Variants in CSTF2 observed in about 807,000 individuals in gnomAD.
The protein encoded by CSTF2 is cleavage stimulation factor subunit 2, also known as CF-1 64 kDa subunit.
In CSTF2, 8 loss-of-function variants were observed where a neutral mutation model predicts 45.4. The ratio of observed to expected loss-of-function variants is 0.18; its 90% CI spans 0.10 to 0.32. CSTF2 has a LOEUF of 0.32. CSTF2 is among the 10% of genes least tolerant of loss of function. The probability of loss-of-function intolerance (pLI) is 1.00; values close to 1 mark genes in which losing one functional copy is unlikely to be tolerated. For missense variants in CSTF2, 253 were observed against 477.1 expected, an observed-to-expected ratio of 0.53 and a Z score of 4.38; for synonymous variants, 155 against 158.9, an observed-to-expected ratio of 0.98 and a Z score of 0.18.
rs1244398815 is a variant in CSTF2, at chrX:100,833,469, A to G, written c.1497A>G (p.Arg499=). The change falls in exon 11 of 14, where the codon AGA becomes AGG. Residue 499 remains arginine (R), a synonymous_variant. Coordinates refer to ENST00000372972, the MANE Select transcript of CSTF2 (RefSeq NM_001325.3). ...GGGCGGTTGTCCCCCAGGGATCCAGACAGGTATGTGTAACACTGACTTCTG... is the reference window on the plus strand; with the variant it reads ...GGGCGGTTGTCCCCCAGGGATCCAGGCAGGTATGTGTAACACTGACTTCTG... The part of the protein sequence containing the change: ...NMGAVVPQGS[R]QVPVMQGTGM... 8.3e-7 allele frequency: 1 copy of G among 1,203,746 alleles called. No individual in the cohort carries two copies. Among genetic ancestry groups the G allele is most frequent in the Non-Finnish European group, 1.1e-6 (1 of 890,628 alleles).
At chrX:100,820,796 T>C in intron 1 of CSTF2, 1 of 395,290 alleles carries the variant, frequency 2.5e-6, no homozygotes, top group Non-Finnish European at 4.8e-6. Context: ...TCTCATCCTC[T>C]GCCCCAGAAT....
At chrX:100,833,776 C>A (rs890701191) in intron 11 of CSTF2, among the ~76,000 whole-genome samples, 2 of 111,734 alleles carry the variant, frequency 1.8e-5, no homozygotes, top group Admixed American at 1.9e-4. Flanking sequence ...ATCATGTACA[C>A]GGTTTTTTCC....
intron 11 of CSTF2, among the ~76,000 whole-genome samples, chrX:100,835,971 T>G (rs1206079396): frequency 9.0e-6 from 1 of 111,652 alleles, no homozygotes; most frequent in Non-Finnish European, 1.9e-5. Flanking sequence ...ATAAAAAATT[T>G]TAAAAAAAAA....
chrX:100,820,542 C>T, intron 1 of CSTF2, 68 bp downstream of exon 1: 8 of 1,095,661 alleles, frequency 7.3e-6, no homozygotes, highest in Non-Finnish European at 1.0e-5. Context: ...TCTCATGAAT[C>T]GCTACCGGAG....
chrX:100,832,388 G>T (rs957853123), intron 9 of CSTF2, among the ~76,000 whole-genome samples: 16 of 111,862 alleles, frequency 1.4e-4, no homozygotes, highest in Non-Finnish European at 2.8e-4. Flanking sequence ...CTGATGTGTG[G>T]AAAAGTTAAA....
At chrX:100,828,291 G>A (rs2084955323) in intron 8 of CSTF2, among the ~76,000 whole-genome samples, 189 bp downstream of exon 8, 1 of 111,885 alleles carries the variant, frequency 8.9e-6, no homozygotes, top group Non-Finnish European at 1.9e-5. Flanking sequence ...GGCCACAGGT[G>A]ACTAGTGGAT....
intron 3 of CSTF2, 89 bp downstream of exon 3, chrX:100,822,509 T>C (rs1216296126): frequency 3.1e-6 from 3 of 966,831 alleles, no homozygotes; most frequent in Non-Finnish European, 4.3e-6. Context: ...TAGAATATGC[T>C]GAAATGGTTA....
intron 11 of CSTF2, among the ~76,000 whole-genome samples, chrX:100,834,845 G>A (rs2084998340): frequency 1.8e-5 from 2 of 111,605 alleles, no homozygotes; most frequent in African/African-American, 6.5e-5. Context: ...TAATTTTACT[G>A]GTAGTTCTAT....
At chrX:100,830,155 T>C (rs1389780480) in intron 8 of CSTF2, among the ~76,000 whole-genome samples, 1 of 112,303 alleles carries the variant, frequency 8.9e-6, no homozygotes, top group African/African-American at 3.2e-5. Context: ...TCGGTTCCCA[T>C]GTCATCTCAT....
chrX:100,832,465 C>T lies in CSTF2; in HGVS notation c.1032-269C>T, dbSNP rs773757973. On this transcript the variant is annotated intron_variant, in intron 9 of 13. Coordinates refer to ENST00000372972, the MANE Select transcript of CSTF2 (RefSeq NM_001325.3). The stretch of plus-strand genomic sequence containing the variant: ...AGATTTGAACCCATACAGTCTGAAT[C>T]CAGAGCTCATGTTCTTATGCATTGT... Among the ~76,000 whole-genome samples, 37 of 112,001 alleles carry T rather than the reference C, an allele frequency of 3.3e-4. No homozygotes were observed. The South Asian group carries it at 0.014, about 41-fold the overall frequency.
chrX:100,829,096 T>C (rs1413336307), intron 8 of CSTF2, among the ~76,000 whole-genome samples: 2 of 112,051 alleles, frequency 1.8e-5, no homozygotes, highest in Non-Finnish European at 3.8e-5. Flanking sequence ...CTCTTATTCC[T>C]TGGGAATAAA....
chrX:100,826,039 T>A (rs2084942050), intron 6 of CSTF2, among the ~76,000 whole-genome samples: 1 of 111,433 alleles, frequency 9.0e-6, no homozygotes. Flanking sequence ...CTGTTTCTAA[T>A]TCAAGGGACT....
chrX:100,827,693 T>C (rs1037030451), intron 7 of CSTF2, among the ~76,000 whole-genome samples: 5 of 112,269 alleles, frequency 4.5e-5, no homozygotes, highest in African/African-American at 1.6e-4. Flanking sequence ...ATCTACTTTA[T>C]CCTAATAGAG....
At chrX:100,823,198 C>T in intron 3 of CSTF2, 94 bp from the exon 4 acceptor site, 1 of 979,284 alleles carries the variant, frequency 1.0e-6, no homozygotes, top group South Asian at 2.6e-5. Flanking sequence ...AAATTATCAG[C>T]TGGTTCTTAC....
chrX:100,831,564 G>A lies in CSTF2; in HGVS notation c.939G>A (p.Ala313=), dbSNP rs148091932. 1.1e-3 allele frequency: 1,282 copies of A among 1,209,717 alleles called. 1 individual carries two copies. Among genetic ancestry groups the A allele is most frequent in the Non-Finnish European group, 1.4e-3 (1,232 of 894,901 alleles). ...CTATGCAGCGGGGATCCTTGCCTGCGAATGTCCCAACCCCTCGAGGCTTGT... is the reference window on the plus strand; with the variant it reads ...CTATGCAGCGGGGATCCTTGCCTGCAAATGTCCCAACCCCTCGAGGCTTGT... ...RAAMQRGSLP[A]NVPTPRGLLG... Residue 313 remains alanine, a synonymous_variant, in exon 9 of 14, where the codon GCG becomes GCA. Transcript: ENST00000372972.
chrX:100,831,381 C>A, intron 8 of CSTF2, 134 bp from the exon 9 acceptor site: 2 of 708,651 alleles, frequency 2.8e-6, no homozygotes, highest in Non-Finnish European at 4.4e-6. Flanking sequence ...TCTTGAGCTG[C>A]AAGAGGATTC....
chrX:100,821,453 A>G (rs2084917236), intron 1 of CSTF2, 74 bp from the exon 2 acceptor site: 3 of 728,059 alleles, frequency 4.1e-6, no homozygotes, highest in Non-Finnish European at 6.5e-6. Flanking sequence ...ATATTTGATG[A>G]TATAAGTTTA....
At position 100,841,352 on chromosome X, in the gene CSTF2, A is replaced by G. The variant is rs1378938188; in HGVS notation, c.*642A>G. Among the ~76,000 whole-genome samples the G allele has an allele frequency of 1.8e-5, 2 of 112,435 alleles. No homozygotes were observed. The highest frequency in any genetic ancestry group is 3.8e-5 in the Non-Finnish European group (2 of 53,333). ...TCTGAACATGTATAATTCAGAGTTA[A>G]GACAAAAATTGTTTTAGCACTGGTT... is the stretch of plus-strand genomic sequence containing the variant. On this transcript the variant is annotated 3_prime_UTR_variant, in exon 14 of 14. Transcript: ENST00000372972.
intron 11 of CSTF2, among the ~76,000 whole-genome samples, chrX:100,834,712 CCAAA>C (rs1181904873): frequency 8.9e-6 from 1 of 112,216 alleles, no homozygotes; most frequent in Non-Finnish European, 1.9e-5. Flanking sequence ...CTACTATGTA[CCAAA>C]CATAGATCTA....
Sources: allele counts gnomAD v4.1 joint callset (sites outside exome capture counted in the v4.1 genomes callset), GRCh38; gene constraint gnomAD v4.1.1; transcripts MANE v1.5; gene names NCBI Gene and HGNC (gene_info 2026-07-23, HGNC 2026-07-21).